TYMS: variants seen among roughly 807,000 people sequenced by gnomAD.
The protein encoded by TYMS is thymidylate synthetase.
Under a neutral mutation model 39.3 loss-of-function variants are expected in TYMS, and 21 were observed. The ratio of observed to expected loss-of-function variants is 0.54; its 90% CI spans 0.38 to 0.77. The LOEUF is 0.77. TYMS is among the 30% of genes least tolerant of loss of function. TYMS has a pLI of 0.00. For synonymous variants in TYMS, 171 were observed against 162.2 expected (o/e 1.05, Z -0.41); for missense variants, 273 against 406.7 (o/e 0.67, Z 2.83).
Position 658,109 on chromosome 18 carries a change from G to T in TYMS, c.205+162G>T, listed in dbSNP as rs151221029. On this transcript the variant is annotated intron_variant, in intron 1 of 6. Coordinates refer to ENST00000323274, the MANE Select transcript of TYMS (RefSeq NM_001071.4). The surrounding 1 kb of genome is among the most constrained non-coding windows in gnomAD (Gnocchi z 4.5). Reference sequence around the variant, plus strand: ...CTCCTCGCCTTACAGACGCCGAAACGGAGGGTCCCATTAGGGACGTGACTG... The same window carrying T: ...CTCCTCGCCTTACAGACGCCGAAACTGAGGGTCCCATTAGGGACGTGACTG... 8.1e-5 allele frequency: 128 copies of T among 1,587,684 alleles called. No homozygotes were observed. The African/African-American group carries it at 1.6e-3, about 20-fold the overall frequency.
chr18:659,547 G>A (rs377255751), intron 1 of TYMS, 94 bp from the exon 2 acceptor site: 2 of 1,042,502 alleles, frequency 1.9e-6, no homozygotes. Flanking sequence ...ATGCTCCAGG[G>A]CCTCACGTCC....
Position 658,642 on chromosome 18 carries a change from G to A in TYMS, c.205+695G>A. The A allele has an allele frequency of 7.3e-6, 2 of 272,812 alleles. No homozygotes were observed. Among genetic ancestry groups the A allele is most frequent in the South Asian group, 6.6e-5 (2 of 30,210 alleles). 16.9% of individuals were successfully genotyped at this position (272,812 alleles called of 1,614,324 possible). On this transcript the variant is annotated intron_variant, in intron 1 of 6. Transcript: ENST00000323274. This position sits in a 1 kb window ranked among gnomAD's most constrained non-coding sequence, Gnocchi z 4.5. ...CCAGGCTTTCAGGGGACAGTGGGGC[G>A]GGGCGGGGTGGGCACAGGACGTTAG...
At position 671,512 on chromosome 18, in the gene TYMS, G is replaced by A. The variant is rs1224260330; in HGVS notation, c.804+61G>A. 9 of 1,085,954 alleles carry A rather than the reference G, an allele frequency of 8.3e-6. No individual in the cohort carries two copies. The African/African-American group carries it at 1.2e-4, about 15-fold the overall frequency. 67.3% of individuals were successfully genotyped at this position (1,085,954 alleles called of 1,614,324 possible). A position where few individuals can be genotyped will look rare whatever the true frequency, so the allele number is the denominator to read the frequency against. ...CTTCTCTTGATAAAAGGTTGACTGTGGAACAGGCATCTGCTCAATGCTGTG... is the reference window on the plus strand; with the variant it reads ...CTTCTCTTGATAAAAGGTTGACTGTAGAACAGGCATCTGCTCAATGCTGTG... On this transcript the variant is annotated intron_variant, in intron 6 of 6. Transcript: ENST00000323274.
At chr18:670,116 T>A (rs2074969529) in intron 4 of TYMS, among the ~76,000 whole-genome samples, 1 of 151,220 alleles carries the variant, frequency 6.6e-6, no homozygotes. Flanking sequence ...TGATCTCCGC[T>A]CACGGCAACC....
intron 3 of TYMS, among the ~76,000 whole-genome samples, chr18:666,955 G>GGT (rs1486437088): frequency 4.8e-4 from 7 of 14,660 alleles, no homozygotes; most frequent in Admixed American, 2.4e-3. Flanking sequence ...TGATGGTGAT[G>GGT]GAGATGGAGA....
chr18:670,011 T>TA (rs2074960512), intron 4 of TYMS, among the ~76,000 whole-genome samples: 1 of 150,668 alleles, frequency 6.6e-6, no homozygotes, highest in African/African-American at 2.5e-5. Context: ...CATAAGTACT[T>TA]AGAGTGAAAT....
intron 2 of TYMS, among the ~76,000 whole-genome samples, chr18:659,941 G>A (rs2074740012): frequency 6.6e-6 from 1 of 152,116 alleles, no homozygotes; most frequent in South Asian, 2.1e-4. Context: ...AGGTGTGCTG[G>A]TGCATGTCTG....
rs369047244 is a variant in TYMS at position 666,920 on chromosome 18, GA to G, written c.455-2151del. On this transcript the variant is annotated intron_variant, in intron 3 of 6. Coordinates refer to ENST00000323274, the MANE Select transcript of TYMS (RefSeq NM_001071.4). ...GGTGATGGAGATGGTGATGGTGATG[GA>G]GATGGTGATGGTGATGGAGATGGTG... Among the ~76,000 whole-genome samples the G allele has an allele frequency of 2.1e-3, 142 of 68,686 alleles. 10 individuals carry two copies. The highest frequency in any genetic ancestry group is 9.8e-3 in the South Asian group (16 of 1,630). 45.1% of individuals were successfully genotyped at this position (68,686 alleles called of 152,430 possible). A position where few individuals can be genotyped will look rare whatever the true frequency, so the allele number is the denominator to read the frequency against.
At chr18:667,851 G>C (rs911325573) in intron 3 of TYMS, 1 of 152,014 alleles carries the variant, frequency 6.6e-6, no homozygotes, top group Non-Finnish European at 1.5e-5. Context: ...ATCCTGCCTA[G>C]TATTCAATTA....
At position 669,026 on chromosome 18, in the gene TYMS, T is replaced by C. The variant is rs754740288; in HGVS notation, c.455-46T>C. The stretch of plus-strand genomic sequence containing the variant: ...ACCTCTAAGGCCATCTCATGACATG[T>C]GTGATTAATGTATGTACCTGTCCTC... On this transcript the variant is annotated intron_variant, in intron 3 of 6. Coordinates refer to ENST00000323274, the MANE Select transcript of TYMS (RefSeq NM_001071.4). The C allele has an allele frequency of 2.7e-6, 4 of 1,505,332 alleles. No homozygotes were observed. The Admixed American group carries it at 6.7e-5, about 25-fold the overall frequency. 93.2% of individuals were successfully genotyped at this position (1,505,332 alleles called of 1,614,324 possible). A position where few individuals can be genotyped will look rare whatever the true frequency, so the allele number is the denominator to read the frequency against.
chr18:667,849 T>C (rs2074887975), intron 3 of TYMS: 2 of 152,150 alleles, frequency 1.3e-5, no homozygotes, highest in Non-Finnish European at 2.9e-5. Context: ...AAATCCTGCC[T>C]AGTATTCAAT....
chr18:658,417 G>T lies in TYMS; in HGVS notation c.205+470G>T, dbSNP rs75047328. On this transcript the variant is annotated intron_variant, in intron 1 of 6. Coordinates refer to ENST00000323274, the MANE Select transcript of TYMS (RefSeq NM_001071.4). This position sits in a 1 kb window ranked among gnomAD's most constrained non-coding sequence, Gnocchi z 4.5. Reference sequence around the variant, plus strand: ...AAAGTGATGTGGGCGGGGCAAAGGCGGCGGGAAGAGGAGAGCACTGAAGCT... The same window carrying T: ...AAAGTGATGTGGGCGGGGCAAAGGCTGCGGGAAGAGGAGAGCACTGAAGCT... The T allele has an allele frequency of 1.8e-3, 2,022 of 1,133,630 alleles. 15 individuals are homozygous for T. In the East Asian group the frequency reaches 0.029, roughly 16 times the overall value. The allele number at this position is 1,133,630 out of a possible 1,614,324, so 70.2% of individuals were successfully genotyped here.
At position 673,256 on chromosome 18, in the gene TYMS, TG is replaced by T. The variant is rs148043952; in HGVS notation, c.*260del. On this transcript the variant is annotated 3_prime_UTR_variant, in exon 7 of 7. Transcript: ENST00000323274. ...TATGAACAAAGTGAGGAGAATGAAA[TG>T]TATGTGCTCTTAGCAAAAACATGTA... The T allele has an allele frequency of 4.4e-3, 1,423 of 321,502 alleles. 18 individuals are homozygous for T. The highest frequency in any genetic ancestry group is 0.028 in the African/African-American group (1,323 of 48,090). The allele number at this position is 321,502 out of a possible 1,614,324, so 19.9% of individuals were successfully genotyped here.
rs1222656430 is a variant in TYMS, at chr18:665,890, T to C, written c.455-3182T>C. Among the ~76,000 whole-genome samples the C allele has an allele frequency of 2.0e-5, 2 of 98,472 alleles. 1 individual carries two copies. The highest frequency in any genetic ancestry group is 1.3e-4 in the African/African-American group (2 of 15,140). The allele number at this position is 98,472 out of a possible 152,430, so 64.6% of individuals were successfully genotyped here. On this transcript the variant is annotated intron_variant, in intron 3 of 6. Transcript: ENST00000323274. ...CTGTGGTCTGAGAGATAGTTTGTTATAATTTCTGTTCTTTTACATTTGCTG... is the reference window on the plus strand; with the variant it reads ...CTGTGGTCTGAGAGATAGTTTGTTACAATTTCTGTTCTTTTACATTTGCTG...
chr18:668,172 G>A (rs930256114), intron 3 of TYMS, among the ~76,000 whole-genome samples: 28 of 151,910 alleles, frequency 1.8e-4, no homozygotes, highest in African/African-American at 6.0e-4. Flanking sequence ...ATTTTAGCAC[G>A]TGTAGACTCT....
At chr18:661,576 G>C (rs907665270) in intron 2 of TYMS, among the ~76,000 whole-genome samples, 2 of 152,226 alleles carry the variant, frequency 1.3e-5, no homozygotes, top group African/African-American at 4.8e-5. Flanking sequence ...GAGGTGTTTA[G>C]CCTAAAAAGC....
chr18:667,441 GTGATGGTGATGGTGA>G (rs1330398584), intron 3 of TYMS, among the ~76,000 whole-genome samples: 37 of 1,128 alleles, frequency 0.033, 9 homozygotes, highest in East Asian at 0.059. Context: ...GATGGTGATG[GTGATGGTGATGGTGA>G]TGATGGAGAT....
At chr18:671,544 AT>A in intron 6 of TYMS, 93 bp downstream of exon 6, 1 of 861,376 alleles carries the variant, frequency 1.2e-6, no homozygotes, top group Non-Finnish European at 1.9e-6. Flanking sequence ...TGTGTCCAAG[AT>A]AAAGATGACT....
intron 3 of TYMS, chr18:667,696 T>TATG (rs1434899531): frequency 6.6e-6 from 1 of 152,166 alleles, no homozygotes; most frequent in Non-Finnish European, 1.5e-5. Context: ...AGTTTAATAT[T>TATG]ATGTGTACTT....
Sources: gnomAD v4.1 joint callset for allele counts (sites outside exome capture counted in the v4.1 genomes callset) on GRCh38, gnomAD v4.1.1 for gene constraint, Gnocchi (gnomAD v3.1) non-coding constraint, MANE v1.5 for transcripts, NCBI Gene and HGNC (gene_info 2026-07-23, HGNC 2026-07-21) for gene names.